PRR16: variants seen among roughly 807,000 people sequenced by gnomAD.
The protein encoded by PRR16 is protein Largen.
In PRR16, 6 loss-of-function variants were observed where a neutral mutation model predicts 18.2. The observed-to-expected ratio is 0.33, with a 90% CI of 0.18 to 0.65. The LOEUF (loss-of-function observed/expected upper bound fraction) is 0.65, where lower values mean the gene tolerates loss of function less well. Ranked by LOEUF, PRR16 falls within the 30% of genes least tolerant of loss-of-function variation. The pLI, the probability that PRR16 is intolerant of heterozygous loss-of-function variation, is 0.74. For missense variants in PRR16, 412 were observed against 376.6 expected (o/e 1.09, Z -0.78); for synonymous variants, 151 against 147.8 (o/e 1.02, Z -0.16).
At chr5:120,561,837 T>C (rs1479773784) in intron 1 of PRR16, among the ~76,000 whole-genome samples, 1 of 152,184 alleles carries the variant, frequency 6.6e-6, no homozygotes, top group Non-Finnish European at 1.5e-5. Context: ...CTCTTGCCAC[T>C]GTCATGTAAG....
rs959138304 is a variant in PRR16 at position 120,535,536 on chromosome 5, A to G, written c.159+70891A>G. On this transcript the variant is annotated intron_variant, in intron 1 of 1. Coordinates refer to ENST00000407149, the MANE Select transcript of PRR16 (RefSeq NM_001300783.2). ...TAACACTTCCTGGGTGCAGTGGTTT[A>G]TGCCTGCAATCCCAGCACTTTGGGA... Among the ~76,000 whole-genome samples the G allele has an allele frequency of 2.5e-4, 38 of 152,180 alleles. 1 individual carries two copies. Among genetic ancestry groups the G allele is most frequent in the Admixed American group, 2.2e-3 (34 of 15,278 alleles).
chr5:120,750,722 AT>A, the PRR16 span, among the ~76,000 whole-genome samples: 1 of 152,094 alleles, frequency 6.6e-6, no homozygotes, highest in Non-Finnish European at 1.5e-5. Flanking sequence ...CACATGTGTT[AT>A]TTTGATATAA....
chr5:120,496,062 T>TA (rs1280706334), intron 1 of PRR16, among the ~76,000 whole-genome samples: 1 of 152,106 alleles, frequency 6.6e-6, no homozygotes, highest in Non-Finnish European at 1.5e-5. Context: ...CACCAATTGA[T>TA]ACGATTATGT....
At chr5:120,760,020 C>G in the PRR16 span, among the ~76,000 whole-genome samples, 3 of 152,080 alleles carry the variant, frequency 2.0e-5, no homozygotes, top group East Asian at 5.8e-4. Context: ...TTGTATAGGA[C>G]TAGAGTCTCT....
At chr5:120,780,989 G>C in the PRR16 span, among the ~76,000 whole-genome samples, 1 of 152,178 alleles carries the variant, frequency 6.6e-6, no homozygotes, top group Non-Finnish European at 1.5e-5. Context: ...GGCGGAAGTT[G>C]CAGTGAGCCG....
the PRR16 span, among the ~76,000 whole-genome samples, chr5:120,764,881 T>C: frequency 2.0e-5 from 3 of 152,068 alleles, no homozygotes; most frequent in African/African-American, 7.2e-5. Flanking sequence ...TCATTAACCT[T>C]TCTCATCATA....
intron 1 of PRR16, among the ~76,000 whole-genome samples, chr5:120,640,866 C>G (rs1755399304): frequency 6.6e-6 from 1 of 152,152 alleles, no homozygotes; most frequent in African/African-American, 2.4e-5. Context: ...GGCTTATTGG[C>G]TAGGCAGTTT....
chr5:120,680,714 GTTGT>G (rs1183458787), intron 1 of PRR16, among the ~76,000 whole-genome samples: 1 of 152,104 alleles, frequency 6.6e-6, no homozygotes, highest in African/African-American at 2.4e-5. Context: ...GGATTATCAG[GTTGT>G]TTCATTTTTA....
chr5:120,646,465 T>A (rs1755606454), intron 1 of PRR16, among the ~76,000 whole-genome samples: 1 of 151,850 alleles, frequency 6.6e-6, no homozygotes. Flanking sequence ...AAGTTATAAA[T>A]CAGGAAAGCT....
At chr5:120,694,538 GC>G in the PRR16 span, among the ~76,000 whole-genome samples, 1 of 151,944 alleles carries the variant, frequency 6.6e-6, no homozygotes, top group African/African-American at 2.4e-5. Context: ...CAAAAAATTA[GC>G]CGGGCGAGGT....
chr5:120,727,086 A>G, the PRR16 span, among the ~76,000 whole-genome samples: 1 of 152,038 alleles, frequency 6.6e-6, no homozygotes, highest in African/African-American at 2.4e-5. Context: ...TCATCCACTG[A>G]ATGATCAACT....
At chr5:120,690,437 C>T (rs899636201), downstream of PRR16, among the ~76,000 whole-genome samples, 15 of 152,200 alleles carry the variant, frequency 9.9e-5, no homozygotes, top group Non-Finnish European at 2.1e-4. Context: ...TTCTCTGTCC[C>T]CAGCACATTT....
Position 120,531,434 on chromosome 5 carries a change from C to T in PRR16, c.159+66789C>T, listed in dbSNP as rs575004315. 15 of 152,218 alleles carry T rather than the reference C, an allele frequency of 9.9e-5. No individual in the cohort carries two copies. In the South Asian group the frequency reaches 2.9e-3, roughly 30 times the overall value. The allele number at this position is 152,218 out of a possible 1,614,324, so 9.4% of individuals were successfully genotyped here. A position where few individuals can be genotyped will look rare whatever the true frequency, so the allele number is the denominator to read the frequency against. On this transcript the variant is annotated intron_variant, in intron 1 of 1. Coordinates refer to ENST00000407149, the MANE Select transcript of PRR16 (RefSeq NM_001300783.2). ...CCAGACAGCCAGGGGTCATTGTGACCTAAATGCAGGATGGGCTGTAGTGAG... is the reference window on the plus strand; with the variant it reads ...CCAGACAGCCAGGGGTCATTGTGACTTAAATGCAGGATGGGCTGTAGTGAG...
chr5:120,530,003 G>A (rs1458152203), intron 1 of PRR16, among the ~76,000 whole-genome samples: 1 of 150,864 alleles, frequency 6.6e-6, no homozygotes, highest in Non-Finnish European at 1.5e-5. Flanking sequence ...AAGAAAGTGT[G>A]TTGTAACATA....
intron 1 of PRR16, among the ~76,000 whole-genome samples, chr5:120,481,509 A>T (rs1051872967): frequency 6.6e-6 from 1 of 152,210 alleles, no homozygotes; most frequent in African/African-American, 2.4e-5. Flanking sequence ...TATTGTATGC[A>T]TTATAAAATT....
intron 1 of PRR16, among the ~76,000 whole-genome samples, chr5:120,477,803 C>CA (rs1180163459): frequency 6.6e-6 from 1 of 152,120 alleles, no homozygotes; most frequent in African/African-American, 2.4e-5. Flanking sequence ...CAGGCTCAGT[C>CA]ACAGTAGTCG....
At chr5:120,512,500 T>C (rs1417966862) in intron 1 of PRR16, among the ~76,000 whole-genome samples, 2 of 152,094 alleles carry the variant, frequency 1.3e-5, no homozygotes, top group African/African-American at 4.8e-5. Context: ...AAGGGATGAA[T>C]TGCATCTTAT....
intron 1 of PRR16, among the ~76,000 whole-genome samples, chr5:120,608,035 G>T (rs779402373): frequency 1.3e-5 from 2 of 152,118 alleles, no homozygotes; most frequent in Non-Finnish European, 2.9e-5. Context: ...AGGCATGCAG[G>T]CAATGGAAAT....
At chr5:120,560,753 C>T (rs941905085) in intron 1 of PRR16, among the ~76,000 whole-genome samples, 4 of 144,956 alleles carry the variant, frequency 2.8e-5, no homozygotes, top group African/African-American at 1.0e-4. Context: ...AATGAAGCTA[C>T]TGGGTCCCAC....
Sources: gnomAD v4.1 joint callset for allele counts (sites outside exome capture counted in the v4.1 genomes callset) on GRCh38, gnomAD v4.1.1 for gene constraint, MANE v1.5 for transcripts, NCBI Gene and HGNC (gene_info 2026-07-23, HGNC 2026-07-21) for gene names.